The following PRDM5 variants were observed in gnomAD, a reference collection of about 807,000 sequenced individuals.
PRDM5 encodes PR domain zinc finger protein 5.
A neutral mutation model predicts 81.2 loss-of-function variants in PRDM5; 56 were observed. That is an observed-to-expected ratio of 0.69 (90% CI 0.56 to 0.86). The LOEUF is 0.86. PRDM5 is among the 40% of genes least tolerant of loss of function. The pLI, the probability that PRDM5 is intolerant of heterozygous loss-of-function variation, is 0.00. For missense variants in PRDM5, 697 were observed against 770.1 expected, an observed-to-expected ratio of 0.91 and a Z score of 1.12; for synonymous variants, 267 against 256.4, an observed-to-expected ratio of 1.04 and a Z score of -0.39.
At chr4:120,894,720 A>C (rs888355543) in intron 2 of PRDM5, among the ~76,000 whole-genome samples, 4 of 152,236 alleles carry the variant, frequency 2.6e-5, no homozygotes, top group African/African-American at 9.6e-5. Flanking sequence ...AAAGAAAAGT[A>C]GAATTTACAA....
chr4:120,747,156 C>T (rs1488201748), intron 14 of PRDM5, among the ~76,000 whole-genome samples: 33 of 149,962 alleles, frequency 2.2e-4, no homozygotes, highest in Middle Eastern at 6.8e-3. Flanking sequence ...AAATTGGAAA[C>T]CATCATTCTC....
rs371963879 is a variant in PRDM5, at chr4:120,766,812, T to C, written c.1537+10376A>G. 7.8e-4 allele frequency among the ~76,000 whole-genome samples: 119 copies of C among 152,354 alleles called. 2 individuals are homozygous for C. Among genetic ancestry groups the C allele is most frequent in the African/African-American group, 2.8e-3 (116 of 41,586 alleles). On this transcript the variant is annotated intron_variant, in intron 13 of 15. Transcript: ENST00000264808. ...TAGATTTCTGAAACCCTTTCTATTC[T>C]AAAGTCAAGAATATTATTTTTTATT...
chr4:120,738,596 A>AT (rs934365949), intron 14 of PRDM5, among the ~76,000 whole-genome samples: 4 of 152,126 alleles, frequency 2.6e-5, no homozygotes, highest in African/African-American at 9.7e-5. Context: ...CTGATAGTAT[A>AT]TTTTTTTAAA....
intron 13 of PRDM5, among the ~76,000 whole-genome samples, chr4:120,759,900 C>T (rs777580699): frequency 3.9e-5 from 6 of 152,136 alleles, no homozygotes; most frequent in Non-Finnish European, 8.8e-5. Flanking sequence ...ATAACAATAG[C>T]TAAAATGTAT....
intron 8 of PRDM5, among the ~76,000 whole-genome samples, chr4:120,802,382 C>T (rs1349444853): frequency 2.6e-5 from 4 of 152,170 alleles, no homozygotes; most frequent in Non-Finnish European, 5.9e-5. Context: ...GTTCATCTCA[C>T]TGAGGCTTGT....
chr4:120,753,906 G>A (rs1176814307), intron 14 of PRDM5, among the ~76,000 whole-genome samples: 1 of 152,186 alleles, frequency 6.6e-6, no homozygotes, highest in East Asian at 1.9e-4. Context: ...CTATGAAATG[G>A]TGGGTGATGG....
intron 2 of PRDM5, among the ~76,000 whole-genome samples, chr4:120,888,910 G>C (rs1052290085): frequency 2.6e-5 from 4 of 152,098 alleles, no homozygotes; most frequent in African/African-American, 7.2e-5. Flanking sequence ...CCTTGTTCAA[G>C]TATTTTGCCC....
chr4:120,688,198 T>G (rs920031878), downstream of PRDM5, among the ~76,000 whole-genome samples: 1 of 152,108 alleles, frequency 6.6e-6, no homozygotes, highest in Non-Finnish European at 1.5e-5. Context: ...TGACACTTCA[T>G]AGTGGTTTTG....
At chr4:120,848,454 C>A (rs1758899349) in intron 3 of PRDM5, among the ~76,000 whole-genome samples, 1 of 152,118 alleles carries the variant, frequency 6.6e-6, no homozygotes, top group Non-Finnish European at 1.5e-5. Flanking sequence ...GCTGTGTGGT[C>A]TCAAGCAAGT....
intron 1 of PRDM5, among the ~76,000 whole-genome samples, chr4:120,686,586 G>A (rs1010834259): frequency 6.6e-6 from 1 of 151,924 alleles, no homozygotes; most frequent in Admixed American, 6.6e-5. Context: ...CTAGCTAAAG[G>A]TGTAATTTTC....
intron 12 of PRDM5, among the ~76,000 whole-genome samples, chr4:120,780,204 C>T (rs1748838699): frequency 6.6e-6 from 1 of 151,978 alleles, no homozygotes; most frequent in African/African-American, 2.4e-5. Flanking sequence ...CCTGTAATTC[C>T]AGCACTTTCA....
At chr4:120,849,220 G>A (rs1758985943) in intron 3 of PRDM5, among the ~76,000 whole-genome samples, 2 of 152,058 alleles carry the variant, frequency 1.3e-5, no homozygotes, top group Admixed American at 6.6e-5. Context: ...ATCTGTGCTT[G>A]GAAAACAAAG....
chr4:120,869,993 AGAG>A (rs1761605812), intron 2 of PRDM5, among the ~76,000 whole-genome samples: 1 of 152,112 alleles, frequency 6.6e-6, no homozygotes, highest in Admixed American at 6.6e-5. Flanking sequence ...AGAAAAAAAA[AGAG>A]GAGGAAGTAG....
In PRDM5 at chr4:120,710,425, A is replaced by C. The variant is rs370193458; in HGVS notation, c.1624-12T>G. ...TTGTACGGCTTCTCCTGCAGTCAACAAAAAGAGACCACCAAAATTGCCAGT... is the reference window on the plus strand; with the variant it reads ...TTGTACGGCTTCTCCTGCAGTCAACCAAAAGAGACCACCAAAATTGCCAGT... On this transcript the variant is annotated splice_polypyrimidine_tract_variant and intron_variant, in intron 14 of 15. Coordinates refer to ENST00000264808, the MANE Select transcript of PRDM5 (RefSeq NM_018699.4). The C allele has an allele frequency of 6.2e-7, 1 of 1,612,414 alleles. No homozygotes were observed. Among genetic ancestry groups the C allele is most frequent in the South Asian group, 1.1e-5 (1 of 91,022 alleles).
At chr4:120,793,562 A>G (rs1230114087) in intron 10 of PRDM5, among the ~76,000 whole-genome samples, 1 of 152,248 alleles carries the variant, frequency 6.6e-6, no homozygotes, top group Non-Finnish European at 1.5e-5. Flanking sequence ...ACTGTAGTAT[A>G]GCCTTGTGGC....
At chr4:120,808,851 C>G (rs559811477) in intron 8 of PRDM5, among the ~76,000 whole-genome samples, 1 of 152,210 alleles carries the variant, frequency 6.6e-6, no homozygotes, top group Non-Finnish European at 1.5e-5. Context: ...GGCTGGCCGG[C>G]TGCTTCAAGT....
At chr4:120,689,410 C>CT (rs554118986), downstream of PRDM5, among the ~76,000 whole-genome samples, 64 of 149,036 alleles carry the variant, frequency 4.3e-4, no homozygotes, top group Middle Eastern at 3.5e-3. Flanking sequence ...GCTTTATATT[C>CT]TTTTTTTTTT....
At chr4:120,913,215 G>C (rs1766719561) in intron 1 of PRDM5, among the ~76,000 whole-genome samples, 1 of 152,220 alleles carries the variant, frequency 6.6e-6, no homozygotes, top group Non-Finnish European at 1.5e-5. Context: ...AAATGAAGCT[G>C]AGTCAACTAG....
intron 2 of PRDM5, among the ~76,000 whole-genome samples, chr4:120,867,480 C>T (rs870252): frequency 0.45 from 67,670 of 151,906 alleles, 15,271 homozygotes; most frequent in Non-Finnish European, 0.47. Flanking sequence ...AGTACACTTT[C>T]ACCAGTGTAT....
Sources: allele counts gnomAD v4.1 joint callset (sites outside exome capture counted in the v4.1 genomes callset), GRCh38; gene constraint gnomAD v4.1.1; transcripts MANE v1.5; gene names NCBI Gene and HGNC (gene_info 2026-07-23, HGNC 2026-07-21).